Variants in FAT3 observed in about 807,000 individuals in gnomAD.
FAT3 encodes the protein FAT atypical cadherin 3.
A neutral mutation model predicts 310.2 loss-of-function variants in FAT3; 95 were observed. The ratio of observed to expected loss-of-function variants is 0.31; its 90% CI spans 0.26 to 0.36. The LOEUF (loss-of-function observed/expected upper bound fraction) is 0.36. FAT3 is among the 10% of genes least tolerant of loss of function. The pLI, the probability that FAT3 is intolerant of heterozygous loss-of-function variation, is 1.00. For missense variants in FAT3, 5,408 were observed against 5,715.6 expected, an observed-to-expected ratio of 0.95 and a Z score of 1.74; for synonymous variants, 2,314 against 2,192.9, an observed-to-expected ratio of 1.06 and a Z score of -1.54.
intron 3 of FAT3, among the ~76,000 whole-genome samples, chr11:92,644,423 G>C (rs1224318979): frequency 6.6e-6 from 1 of 152,172 alleles, no homozygotes; most frequent in Non-Finnish European, 1.5e-5. Flanking sequence ...TGCTGAGGAA[G>C]AAGTAGTTTC....
chr11:92,591,202 C>T (rs1939407467), intron 3 of FAT3, among the ~76,000 whole-genome samples: 1 of 152,122 alleles, frequency 6.6e-6, no homozygotes, highest in African/African-American at 2.4e-5. Flanking sequence ...AGATGGCCCT[C>T]TGGCTTTGAA....
chr11:92,369,097 T>C (rs908081476), intron 2 of FAT3, among the ~76,000 whole-genome samples: 1 of 152,108 alleles, frequency 6.6e-6, no homozygotes, highest in African/African-American at 2.4e-5. Flanking sequence ...CCACTTCACC[T>C]AATGTGATGT....
chr11:92,888,357 A>G (rs965676888), intron 25 of FAT3, among the ~76,000 whole-genome samples: 10 of 152,130 alleles, frequency 6.6e-5, no homozygotes, highest in African/African-American at 9.7e-5. Flanking sequence ...ATATAGAAAT[A>G]CCTAAGAATA....
At chr11:92,225,409 C>G (rs1176767753) in intron 1 of FAT3, among the ~76,000 whole-genome samples, 3 of 152,130 alleles carry the variant, frequency 2.0e-5, no homozygotes, top group Admixed American at 1.3e-4. Context: ...CTTGGCCCCG[C>G]GGCGGGAGCC....
intron 1 of FAT3, among the ~76,000 whole-genome samples, chr11:92,318,907 G>C (rs541244815): frequency 5.3e-4 from 81 of 152,160 alleles, no homozygotes; most frequent in Non-Finnish European, 1.1e-3. Context: ...GCTGAGTGCA[G>C]CAAAGAGTCC....
chr11:92,326,833 T>C (rs997729343), intron 1 of FAT3, among the ~76,000 whole-genome samples: 1 of 152,222 alleles, frequency 6.6e-6, no homozygotes, highest in East Asian at 1.9e-4. Context: ...TAGGGACCTA[T>C]ATTGACTCAC....
In FAT3 at chr11:92,354,442, A is replaced by T. The variant is rs1333375841; in HGVS notation, c.2330A>T (p.Asp777Val). ...DGNTDSCFNIDMETGQLKVLM... is the reference protein window; with the variant it reads ...DGNTDSCFNIVMETGQLKVLM... The stretch of plus-strand genomic sequence containing the variant: ...AATACGGATAGTTGCTTTAATATTG[A>T]TATGGAGACTGGGCAGCTTAAAGTC... The change falls in exon 2 of 28, where the codon GAT becomes GTT. Residue 777 changes from aspartate to valine, a missense_variant. This residue lies in a region of FAT3 where 4,588 missense variants were observed against 4,809.8 expected (regional missense o/e 0.95). Coordinates refer to ENST00000525166, the MANE Select transcript of FAT3 (RefSeq NM_001367949.2). 1.2e-6 allele frequency: 2 copies of T among 1,613,736 alleles called. No individual in the cohort carries two copies. Among genetic ancestry groups the T allele is most frequent in the African/African-American group, 1.3e-5 (1 of 74,906 alleles).
At chr11:92,283,156 A>T (rs754556783) in intron 1 of FAT3, among the ~76,000 whole-genome samples, 7 of 152,054 alleles carry the variant, frequency 4.6e-5, no homozygotes, top group Non-Finnish European at 7.4e-5. Flanking sequence ...TCCTTGGAAA[A>T]ATCTTCCTCC....
At chr11:92,228,719 G>A (rs916647842) in intron 1 of FAT3, among the ~76,000 whole-genome samples, 6 of 152,336 alleles carry the variant, frequency 3.9e-5, no homozygotes, top group African/African-American at 1.4e-4. Flanking sequence ...GGACTATTGT[G>A]GCTTTATTTT....
At chr11:92,858,952 G>A (rs532481161) in intron 20 of FAT3, among the ~76,000 whole-genome samples, 1 of 152,304 alleles carries the variant, frequency 6.6e-6, no homozygotes, top group South Asian at 2.1e-4. Context: ...TTTGGTGGCT[G>A]ACTGGTTAAT....
At chr11:92,511,471 A>G (rs1337885946) in intron 2 of FAT3, among the ~76,000 whole-genome samples, 2 of 152,080 alleles carry the variant, frequency 1.3e-5, no homozygotes, top group Non-Finnish European at 2.9e-5. Context: ...AAATGTTATG[A>G]TGTTATCCTT....
intron 4 of FAT3, among the ~76,000 whole-genome samples, chr11:92,700,784 T>C (rs1247448528): frequency 6.6e-6 from 1 of 152,118 alleles, no homozygotes; most frequent in Non-Finnish European, 1.5e-5. Context: ...CTCTCTCCCT[T>C]TGTCCTCTCT....
intron 3 of FAT3, among the ~76,000 whole-genome samples, chr11:92,638,088 G>A (rs1941832513): frequency 6.6e-6 from 1 of 152,148 alleles, no homozygotes; most frequent in African/African-American, 2.4e-5. Flanking sequence ...GTCACTATAT[G>A]CATTTTATTG....
rs367802025 is a variant in FAT3, at chr11:92,800,045, C to T, written c.7032C>T (p.Gly2344=). The stretch of plus-strand genomic sequence containing the variant: ...ATTTTCACATAGATAGCTCAAGTGG[C>T]TTAATCCTGACAGCACGAATGCTGG... ...TDYFHIDSSS[G]LILTARMLDH... The change falls in exon 10 of 28, where the codon GGC becomes GGT. Residue 2344 remains glycine (G), a synonymous_variant. Transcript: ENST00000525166. 1.2e-6 allele frequency: 2 copies of T among 1,613,868 alleles called. No individual in the cohort carries two copies. The highest frequency in any genetic ancestry group is 1.7e-6 in the Non-Finnish European group (2 of 1,179,882).
At chr11:92,684,302 C>T (rs1943568851) in intron 3 of FAT3, among the ~76,000 whole-genome samples, 1 of 152,126 alleles carries the variant, frequency 6.6e-6, no homozygotes, top group African/African-American at 2.4e-5. Context: ...CACCTATTCT[C>T]CTGGGACCAT....
At chr11:92,310,987 C>A (rs1055559636) in intron 1 of FAT3, among the ~76,000 whole-genome samples, 1 of 151,108 alleles carries the variant, frequency 6.6e-6, no homozygotes, top group Non-Finnish European at 1.5e-5. Flanking sequence ...GATGGAATCT[C>A]AGTCTTATAT....
At chr11:92,723,012 A>G (rs1944907550) in intron 4 of FAT3, among the ~76,000 whole-genome samples, 2 of 152,084 alleles carry the variant, frequency 1.3e-5, no homozygotes, top group South Asian at 4.1e-4. Flanking sequence ...TTTCCCCATT[A>G]CCTTGGGGAT....
At position 92,355,314 on chromosome 11, in the gene FAT3, C is replaced by A; in HGVS notation, c.3202C>A (p.Arg1068=). 1 of 1,613,600 alleles carries A rather than the reference C, an allele frequency of 6.2e-7. No individual in the cohort carries two copies. The highest frequency in any genetic ancestry group is 1.1e-5 in the South Asian group (1 of 91,058). Residue 1068 remains arginine, a synonymous_variant, in exon 2 of 28, where the codon CGA becomes AGA. Coordinates refer to ENST00000525166, the MANE Select transcript of FAT3 (RefSeq NM_001367949.2). ...AACAAGCGTGCTGCAGGTGACTGCT[C>A]GAGATGAAGACTCCGGAAGGGATGG... is the stretch of plus-strand genomic sequence containing the variant. ...IGTSVLQVTA[R]DEDSGRDGEI...
chr11:92,695,862 C>T (rs898129819), intron 3 of FAT3, among the ~76,000 whole-genome samples: 3 of 152,262 alleles, frequency 2.0e-5, no homozygotes, highest in African/African-American at 7.2e-5. Flanking sequence ...GGCCACCTAA[C>T]CCTGTTAAAC....
Sources: allele counts gnomAD v4.1 joint callset (sites outside exome capture counted in the v4.1 genomes callset), GRCh38; gene constraint gnomAD v4.1.1; regional missense constraint gnomAD v4.1.1; transcripts MANE v1.5; gene names NCBI Gene and HGNC (gene_info 2026-07-23, HGNC 2026-07-21).